The following SCEL variants were observed in gnomAD, a reference collection of about 807,000 sequenced individuals.
SCEL encodes the protein sciellin.
In SCEL, 113 loss-of-function variants were observed where a neutral mutation model predicts 117.6. The ratio of observed to expected loss-of-function variants is 0.96; its 90% CI spans 0.83 to 1.12. The LOEUF is 1.12. Among genes scored for constraint, SCEL ranks in the 50% most tolerant of loss-of-function variants. SCEL has a pLI of 0.00. For synonymous variants in SCEL, 270 were observed against 256.2 expected, an observed-to-expected ratio of 1.05 and a Z score of -0.51; for missense variants, 785 against 810.8, an observed-to-expected ratio of 0.97 and a Z score of 0.39.
At chr13:77,557,701 T>C (rs2084740940) in intron 3 of SCEL, among the ~76,000 whole-genome samples, 1 of 152,196 alleles carries the variant, frequency 6.6e-6, no homozygotes, top group African/African-American at 2.4e-5. Context: ...ATTTTTGTTG[T>C]TAAAATTGAG....
At chr13:77,604,689 T>C (rs185138671) in intron 19 of SCEL, among the ~76,000 whole-genome samples, 36 of 152,332 alleles carry the variant, frequency 2.4e-4, no homozygotes, top group Admixed American at 1.2e-3. Flanking sequence ...GATTTATTTC[T>C]TTGTATGCTA....
At chr13:77,578,480 G>T (rs541594332) in intron 9 of SCEL, among the ~76,000 whole-genome samples, 1 of 152,126 alleles carries the variant, frequency 6.6e-6, no homozygotes. Context: ...GGCCCCAAAC[G>T]TTGGAGAATA....
chr13:77,602,066 A>G lies in SCEL; in HGVS notation c.919A>G (p.Ile307Val). 1.2e-6 allele frequency: 2 copies of G among 1,609,196 alleles called. No homozygotes were observed. The highest frequency in any genetic ancestry group is 1.7e-6 in the Non-Finnish European group (2 of 1,178,318). The change falls in exon 16 of 33, where the codon ATC becomes GTC. Residue 307 changes from isoleucine to valine, a missense_variant and splice_region_variant. By Grantham distance (29) the Ile-to-Val change is conservative. Coordinates refer to ENST00000349847, the MANE Select transcript of SCEL (RefSeq NM_144777.3). ...TTCTTTTCCCCCAATGTTGTAAAGAATCCAAAGCCTTGGAAGTCCGATTAA... is the reference window on the plus strand; with the variant it reads ...TTCTTTTCCCCCAATGTTGTAAAGAGTCCAAAGCCTTGGAAGTCCGATTAA... Reference protein sequence around the residue: ...STRTDKDGKGIQSLGSPIKVN... With the variant: ...STRTDKDGKGVQSLGSPIKVN...
chr13:77,583,325 C>A lies in SCEL; in HGVS notation c.546-5819C>A, dbSNP rs116167122. 6.7e-3 allele frequency among the ~76,000 whole-genome samples: 1,026 copies of A among 152,286 alleles called. 6 individuals are homozygous for A. Among genetic ancestry groups the A allele is most frequent in the African/African-American group, 0.023 (950 of 41,558 alleles). ...CTAGCCTAGAATCTAGAATCTAGAT[C>A]TCTAGAATTCTAGTCCAGTGCAAGC... On this transcript the variant is annotated intron_variant, in intron 9 of 32. Coordinates refer to ENST00000349847, the MANE Select transcript of SCEL (RefSeq NM_144777.3).
At chr13:77,604,985 G>T (rs981045441) in intron 19 of SCEL, among the ~76,000 whole-genome samples, 1 of 152,012 alleles carries the variant, frequency 6.6e-6, no homozygotes, top group Non-Finnish European at 1.5e-5. Flanking sequence ...TGCATGTAGT[G>T]TGGTGTGTAT....
chr13:77,601,550 T>C (rs1176527909), intron 15 of SCEL, among the ~76,000 whole-genome samples: 1 of 152,208 alleles, frequency 6.6e-6, no homozygotes, highest in Admixed American at 6.5e-5. Flanking sequence ...TTTTATTTCA[T>C]TTATATAAAG....
chr13:77,638,353 C>A (rs976162336), intron 30 of SCEL, among the ~76,000 whole-genome samples: 3 of 152,148 alleles, frequency 2.0e-5, no homozygotes, highest in African/African-American at 7.2e-5. Context: ...ATTAGAACTA[C>A]AGATATCATC....
chr13:77,600,687 A>G (rs996482905), intron 15 of SCEL, among the ~76,000 whole-genome samples: 2 of 151,874 alleles, frequency 1.3e-5, no homozygotes, highest in Non-Finnish European at 2.9e-5. Flanking sequence ...TTTCTTGTTG[A>G]AAGAAACCAA....
intron 27 of SCEL, among the ~76,000 whole-genome samples, chr13:77,620,190 C>G (rs918983079): frequency 4.6e-5 from 7 of 152,072 alleles, no homozygotes; most frequent in African/African-American, 1.7e-4. Context: ...CTGGGATGTT[C>G]AAGAATTATC....
At chr13:77,554,170 G>T (rs1171164808) in intron 1 of SCEL, among the ~76,000 whole-genome samples, 1 of 152,178 alleles carries the variant, frequency 6.6e-6, no homozygotes, top group African/African-American at 2.4e-5. Context: ...TCTGCTGGTT[G>T]AACTACAGCC....
At chr13:77,614,001 C>G (rs749864112) in intron 24 of SCEL, 46 bp downstream of exon 24, 2 of 1,395,502 alleles carry the variant, frequency 1.4e-6, no homozygotes, top group Middle Eastern at 1.8e-4. Flanking sequence ...TTAAGTAAAC[C>G]CAAAATTAAT....
intron 1 of SCEL, among the ~76,000 whole-genome samples, chr13:77,551,447 A>G (rs1174553785): frequency 6.6e-6 from 1 of 152,158 alleles, no homozygotes; most frequent in African/African-American, 2.4e-5. Flanking sequence ...GTTATAACAA[A>G]ATACCACAGA....
rs549329372 is a variant in SCEL at position 77,567,717 on chromosome 13, G to A, written c.328G>A (p.Ala110Thr). The A allele has an allele frequency of 6.8e-6, 11 of 1,608,166 alleles. No individual in the cohort carries two copies. In the African/African-American group the frequency reaches 1.1e-4, roughly 16 times the overall value. The change falls in exon 6 of 33, where the codon GCC (alanine) becomes ACC (threonine). Residue 110 changes from alanine (A) to threonine (T), a missense_variant. Ala to Thr is a moderately conservative substitution (Grantham distance 58, BLOSUM62 0). Coordinates refer to ENST00000349847, the MANE Select transcript of SCEL (RefSeq NM_144777.3). ...DRNDAAKTYK[A>T]NTLDNQLTNR... ...AAATGATGCTGCTAAAACATATAAG[G>A]CCAATACCTTGGATAACCAACTAAC...
intron 13 of SCEL, 75 bp from the exon 14 acceptor site, chr13:77,599,254 C>A: frequency 2.0e-6 from 2 of 1,000,094 alleles, no homozygotes; most frequent in Admixed American, 2.3e-5. Context: ...TAGATGTAAA[C>A]TGGTCTATGT....
At chr13:77,537,691 G>A (rs2083480667) in intron 1 of SCEL, among the ~76,000 whole-genome samples, 1 of 152,142 alleles carries the variant, frequency 6.6e-6, no homozygotes. Flanking sequence ...TGTAGGTGAT[G>A]CTTACCTGAC....
chr13:77,621,671 G>A (rs2089432451), intron 27 of SCEL, among the ~76,000 whole-genome samples: 1 of 152,128 alleles, frequency 6.6e-6, no homozygotes, highest in Non-Finnish European at 1.5e-5. Flanking sequence ...GTACATGTTA[G>A]GTATTTAGCA....
At chr13:77,577,827 G>A (rs972756848) in intron 9 of SCEL, among the ~76,000 whole-genome samples, 5 of 152,128 alleles carry the variant, frequency 3.3e-5, no homozygotes, top group African/African-American at 1.2e-4. Flanking sequence ...GTTGGCTGAT[G>A]TTTCTCTGCA....
intron 27 of SCEL, among the ~76,000 whole-genome samples, chr13:77,624,285 T>C (rs1567433559): frequency 6.6e-6 from 1 of 151,976 alleles, no homozygotes; most frequent in Non-Finnish European, 1.5e-5. Context: ...TTTGTATTTT[T>C]AGTAGAGACG....
At chr13:77,594,921 CAG>C (rs2087129679) in intron 12 of SCEL, among the ~76,000 whole-genome samples, 1 of 152,186 alleles carries the variant, frequency 6.6e-6, no homozygotes, top group South Asian at 2.1e-4. Context: ...TGAATCCAGA[CAG>C]AGTCTATAGA....
Sources: allele counts gnomAD v4.1 joint callset (sites outside exome capture counted in the v4.1 genomes callset), GRCh38; gene constraint gnomAD v4.1.1; transcripts MANE v1.5; gene names NCBI Gene and HGNC (gene_info 2026-07-23, HGNC 2026-07-21).